NOL10: variants seen among roughly 807,000 people sequenced by gnomAD.
NOL10 encodes H_NH0074G24.1.
NOL10 carries 58 observed loss-of-function variants against 103.5 expected under a neutral mutation model. The observed-to-expected ratio is 0.56, with a 90% CI of 0.45 to 0.70. The LOEUF (loss-of-function observed/expected upper bound fraction) is 0.70, where lower values mean the gene tolerates loss of function less well. NOL10 is among the 30% of genes least tolerant of loss of function. The pLI is 0.00. For missense variants in NOL10, 763 were observed against 807.3 expected (o/e 0.95, Z 0.67); for synonymous variants, 287 against 282.5 (o/e 1.02, Z -0.16).
At chr2:10,637,047 C>CA (rs1192906382) in intron 13 of NOL10, among the ~76,000 whole-genome samples, 1 of 151,796 alleles carries the variant, frequency 6.6e-6, no homozygotes, top group East Asian at 1.9e-4. Context: ...ACTAAAAATA[C>CA]AAAAATTAGT....
chr2:10,677,523 C>G (rs1681400745), intron 3 of NOL10, among the ~76,000 whole-genome samples: 1 of 150,524 alleles, frequency 6.6e-6, no homozygotes, highest in South Asian at 2.1e-4. Flanking sequence ...CAGGCTGGAG[C>G]ACAGAGGTGC....
intron 12 of NOL10, among the ~76,000 whole-genome samples, chr2:10,648,294 C>T (rs1356701753): frequency 1.3e-5 from 2 of 152,172 alleles, no homozygotes; most frequent in Non-Finnish European, 2.9e-5. Flanking sequence ...CTTTTCTAAA[C>T]TATGATTAAG....
At chr2:10,663,625 A>T (rs1023620964) in intron 8 of NOL10, among the ~76,000 whole-genome samples, 3 of 152,134 alleles carry the variant, frequency 2.0e-5, no homozygotes, top group Admixed American at 6.5e-5. Context: ...CTTTTTAAAA[A>T]TAAAAAGCTG....
In NOL10 at chr2:10,644,331, A is replaced by G. The variant is rs1572362564; in HGVS notation, c.1015T>C (p.Tyr339His). Residue 339 changes from tyrosine to histidine, a missense_variant, in exon 13 of 21, where the codon TAT becomes CAT. Coordinates refer to ENST00000381685, the MANE Select transcript of NOL10 (RefSeq NM_024894.4). ...TTTGTATTACTTACTGGAATGTAATAGATGCCCATCTTGGGGGTTTCATTG... is the reference window on the plus strand; with the variant it reads ...TTTGTATTACTTACTGGAATGTAATGGATGCCCATCTTGGGGGTTTCATTG... ...TANETPKMGI[Y>H]YIPVLGPAPR... 1 of 1,537,242 alleles carries G rather than the reference A, an allele frequency of 6.5e-7. No homozygotes were observed.
intron 19 of NOL10, 81 bp downstream of exon 19, chr2:10,588,962 T>C: frequency 6.4e-7 from 1 of 1,551,478 alleles, no homozygotes; most frequent in East Asian, 2.2e-5. Flanking sequence ...GACAGAAATG[T>C]CATCTTTAGG....
At chr2:10,659,354 G>T (rs79804785) in intron 9 of NOL10, 104 bp from the exon 10 acceptor site, 10 of 356,370 alleles carry the variant, frequency 2.8e-5, no homozygotes, top group African/African-American at 6.1e-5. Context: ...GGGGGGGGGG[G>T]AGGAATCACA....
intron 15 of NOL10, 39 bp from the exon 16 acceptor site, chr2:10,602,913 G>C: frequency 7.0e-7 from 1 of 1,437,954 alleles, no homozygotes; most frequent in Non-Finnish European, 9.7e-7. Flanking sequence ...TAAAAGAATG[G>C]TATTTGGTAA....
intron 12 of NOL10, among the ~76,000 whole-genome samples, chr2:10,646,712 A>G (rs1679093992): frequency 6.6e-6 from 1 of 152,134 alleles, no homozygotes; most frequent in South Asian, 2.1e-4. Flanking sequence ...TCAGCAAGTT[A>G]CCTCCCTTGC....
At chr2:10,617,817 T>A (rs553313344) in intron 13 of NOL10, among the ~76,000 whole-genome samples, 1 of 152,102 alleles carries the variant, frequency 6.6e-6, no homozygotes, top group African/African-American at 2.4e-5. Context: ...TGGTACAACA[T>A]GGACGGGCCG....
At chr2:10,595,624 A>G (rs1675648969) in intron 17 of NOL10, among the ~76,000 whole-genome samples, 1 of 136,892 alleles carries the variant, frequency 7.3e-6, no homozygotes, top group African/African-American at 2.7e-5. Context: ...TTGTTTTTTG[A>G]GATGGAGTCT....
intron 2 of NOL10, among the ~76,000 whole-genome samples, chr2:10,682,399 C>CTTTT (rs761615937): frequency 1.4e-5 from 2 of 138,534 alleles, no homozygotes; most frequent in East Asian, 2.1e-4. Context: ...CATTAAACCA[C>CTTTT]TTTTTTTTTT....
chr2:10,637,188 C>CAAAAAAAAA (rs61693251), intron 13 of NOL10, among the ~76,000 whole-genome samples: 30 of 44,532 alleles, frequency 6.7e-4, no homozygotes, highest in Non-Finnish European at 8.0e-4. Flanking sequence ...GACACTGTCT[C>CAAAAAAAAA]AAAAAAAAAA....
intron 1 of NOL10, among the ~76,000 whole-genome samples, chr2:10,687,221 G>A (rs1327328949): frequency 1.3e-5 from 2 of 152,090 alleles, no homozygotes; most frequent in African/African-American, 4.8e-5. Flanking sequence ...AATCCACTCA[G>A]CTCAAGCTAC....
At chr2:10,650,693 C>T (rs150423909) in intron 12 of NOL10, among the ~76,000 whole-genome samples, 25 of 152,198 alleles carry the variant, frequency 1.6e-4, no homozygotes, top group African/African-American at 5.8e-4. Flanking sequence ...GGGTTCAAGG[C>T]TGCAGTGAGC....
chr2:10,576,435 G>C (rs941028374), intron 20 of NOL10, among the ~76,000 whole-genome samples: 2 of 152,096 alleles, frequency 1.3e-5, no homozygotes, highest in Non-Finnish European at 2.9e-5. Flanking sequence ...ATTATTAATC[G>C]CTTACCCCAA....
chr2:10,674,555 T>A (rs58174793), intron 4 of NOL10, among the ~76,000 whole-genome samples: 5,234 of 152,178 alleles, frequency 0.034, 176 homozygotes, highest in African/African-American at 0.084. Context: ...AAAGCAGAGT[T>A]TCAGCTGGGC....
Position 10,689,848 on chromosome 2 carries a change from C to G in NOL10, c.14G>C (p.Ser5Thr). Residue 5 changes from serine to threonine, a missense_variant, in exon 1 of 21, where the codon AGC becomes ACC. Transcript: ENST00000381685. ...GCTGTAAATCTTCACCTCATTGAGGCTGGAGACCTGCATGGCGCCGCACAA... is the reference window on the plus strand; with the variant it reads ...GCTGTAAATCTTCACCTCATTGAGGGTGGAGACCTGCATGGCGCCGCACAA... MQVSSLNEVKIYSLS... is the reference protein window; with the variant it reads MQVSTLNEVKIYSLS... The G allele has an allele frequency of 6.2e-7, 1 of 1,607,066 alleles. No individual in the cohort carries two copies. The highest frequency in any genetic ancestry group is 8.5e-7 in the Non-Finnish European group (1 of 1,176,946).
intron 13 of NOL10, among the ~76,000 whole-genome samples, chr2:10,611,700 G>A (rs923590371): frequency 7.2e-5 from 11 of 152,176 alleles, no homozygotes; most frequent in African/African-American, 2.4e-4. Context: ...CGGATCGCCT[G>A]AGGTCAGGAG....
chr2:10,682,399 CTTTT>C (rs761615937), intron 2 of NOL10, among the ~76,000 whole-genome samples: 134 of 138,492 alleles, frequency 9.7e-4, no homozygotes, highest in Non-Finnish European at 1.7e-3. Context: ...CATTAAACCA[CTTTT>C]TTTTTTTTTT....
Sources: allele counts gnomAD v4.1 joint callset (sites outside exome capture counted in the v4.1 genomes callset), GRCh38; gene constraint gnomAD v4.1.1; transcripts MANE v1.5; gene names NCBI Gene and HGNC (gene_info 2026-07-23, HGNC 2026-07-21).